STK33: variants seen among roughly 807,000 people sequenced by gnomAD.
STK33 encodes serine/threonine kinase 33.
STK33 carries 52 observed loss-of-function variants against 58.0 expected under a neutral mutation model. The observed-to-expected ratio is 0.90, with a 90% confidence interval of 0.72 to 1.13. STK33 has a LOEUF of 1.13. Ranked by LOEUF, STK33 falls within the 50% of genes most tolerant of loss-of-function variation. The pLI is 0.00. For synonymous variants in STK33, 215 were observed against 200.1 expected, an observed-to-expected ratio of 1.07 and a Z score of -0.63; for missense variants, 630 against 604.2, an observed-to-expected ratio of 1.04 and a Z score of -0.45.
chr11:8,501,963 T>C (rs888097369), intron 1 of STK33, among the ~76,000 whole-genome samples: 1 of 152,164 alleles, frequency 6.6e-6, no homozygotes, highest in Non-Finnish European at 1.5e-5. Context: ...AGTCTATTTA[T>C]ATGAAATGTC....
chr11:8,415,715 TAA>T (rs1941022260), intron 14 of STK33, among the ~76,000 whole-genome samples: 1 of 152,104 alleles, frequency 6.6e-6, no homozygotes, highest in Admixed American at 6.6e-5. Flanking sequence ...TAAGAAGCCT[TAA>T]AAAGAGTGAC....
chr11:8,492,635 A>G (rs1950716559), intron 1 of STK33, among the ~76,000 whole-genome samples: 1 of 152,230 alleles, frequency 6.6e-6, no homozygotes, highest in African/African-American at 2.4e-5. Context: ...CCAAATCAAC[A>G]GAATATACAT....
chr11:8,417,936 C>T (rs1018536276), intron 14 of STK33, among the ~76,000 whole-genome samples: 1 of 151,994 alleles, frequency 6.6e-6, no homozygotes, highest in African/African-American at 2.4e-5. Flanking sequence ...TAAAATTTAT[C>T]TTATATAAAC....
chr11:8,390,341 A>G (rs949245557), downstream of STK33, among the ~76,000 whole-genome samples: 8 of 152,360 alleles, frequency 5.3e-5, no homozygotes, highest in East Asian at 1.2e-3. Flanking sequence ...TATGGAGCAC[A>G]GGAGGTGTCA....
chr11:8,429,842 C>T (rs915755675), intron 14 of STK33, among the ~76,000 whole-genome samples: 9 of 152,160 alleles, frequency 5.9e-5, no homozygotes, highest in African/African-American at 1.7e-4. Flanking sequence ...TTAGCCACCA[C>T]CTGCTCCCTC....
chr11:8,356,088 G>A, the STK33 span, among the ~76,000 whole-genome samples: 2 of 152,172 alleles, frequency 1.3e-5, no homozygotes, highest in Non-Finnish European at 2.9e-5. Context: ...TGGGGACGGA[G>A]GATTACACTT....
chr11:8,577,796 A>G (rs1278723225), intron 1 of STK33, among the ~76,000 whole-genome samples: 1 of 152,070 alleles, frequency 6.6e-6, no homozygotes, highest in Admixed American at 6.6e-5. Flanking sequence ...GCTCTCTTCA[A>G]TTTATACATA....
intron 1 of STK33, among the ~76,000 whole-genome samples, chr11:8,576,287 A>C (rs1356679283): frequency 6.6e-6 from 1 of 152,218 alleles, no homozygotes; most frequent in East Asian, 1.9e-4. Context: ...AGAACAGTTC[A>C]GGTTCCAAGG....
the STK33 span, among the ~76,000 whole-genome samples, chr11:8,343,828 C>T: frequency 6.6e-6 from 1 of 152,194 alleles, no homozygotes; most frequent in South Asian, 2.1e-4. Flanking sequence ...AGCCCCTCAT[C>T]CTGGCCTCAG....
chr11:8,537,952 C>T (rs1025386687), intron 1 of STK33, among the ~76,000 whole-genome samples: 1 of 150,950 alleles, frequency 6.6e-6, no homozygotes, highest in African/African-American at 2.4e-5. Context: ...TTTGGGAGGC[C>T]GAGGCAGGAG....
At chr11:8,412,316 C>A (rs1415854158) in intron 15 of STK33, among the ~76,000 whole-genome samples, 1 of 152,094 alleles carries the variant, frequency 6.6e-6, no homozygotes, top group Admixed American at 6.5e-5. Flanking sequence ...AGCTAAGCAT[C>A]GTAGGAGTTA....
intron 11 of STK33, among the ~76,000 whole-genome samples, chr11:8,442,449 G>A (rs1423568509): frequency 1.3e-5 from 2 of 152,198 alleles, no homozygotes; most frequent in South Asian, 4.1e-4. Context: ...TAATTATCAG[G>A]GGCATTTCGA....
chr11:8,398,410 C>T (rs1323116179), intron 15 of STK33, among the ~76,000 whole-genome samples: 1 of 152,288 alleles, frequency 6.6e-6, no homozygotes, highest in Admixed American at 6.5e-5. Flanking sequence ...CAAGCAAATG[C>T]TGAGAGATTT....
intron 15 of STK33, among the ~76,000 whole-genome samples, chr11:8,394,660 T>C (rs182819237): frequency 6.6e-6 from 1 of 152,324 alleles, no homozygotes; most frequent in African/African-American, 2.4e-5. Context: ...ATTATTGATG[T>C]AGAATATTTT....
At chr11:8,362,279 TATG>T in the STK33 span, among the ~76,000 whole-genome samples, 1 of 152,228 alleles carries the variant, frequency 6.6e-6, no homozygotes, top group Non-Finnish European at 1.5e-5. Flanking sequence ...TGGGCTTTTT[TATG>T]ATGACTTCAT....
rs1947556677 is a variant in STK33 at position 8,461,805 on chromosome 11, C to T, written c.558G>A (p.Lys186=). 5 of 1,574,140 alleles carry T rather than the reference C, an allele frequency of 3.2e-6. No homozygotes were observed. The East Asian group carries it at 1.2e-4, about 37-fold the overall frequency. The change falls in exon 8 of 16, where the codon AAG becomes AAA. Residue 186 remains lysine (K), a splice_region_variant and synonymous_variant. Transcript: ENST00000687296. ...AATGCAGCGCCTAATAGAGGTTTAC[C>T]TTTGGCGTTTCAAATACTTGTTCCA... ...IHLEQVFETP[K]KMYLVMELCE...
At chr11:8,350,897 C>A in the STK33 span, among the ~76,000 whole-genome samples, 1 of 152,104 alleles carries the variant, frequency 6.6e-6, no homozygotes, top group Non-Finnish European at 1.5e-5. Context: ...AGTCACCAGC[C>A]CCCAGCATAC....
rs777265786 is a variant in STK33 at position 8,436,090 on chromosome 11, C to T, written c.997G>A (p.Glu333Lys). ...TGTAGTTCTCCTTTTCTTATTAACT[C>T]AAAAAGCTTCTCTTCTGAGCTTGCC... ...FLASSEEKLF[E>K]LIRKGELHFE... Residue 333 changes from glutamate (E) to lysine (K), a missense_variant, in exon 13 of 16, where the codon GAG (glutamate) becomes AAG (lysine). Coordinates refer to ENST00000687296, the MANE Select transcript of STK33 (RefSeq NM_001352389.2). The T allele has an allele frequency of 2.4e-5, 39 of 1,596,126 alleles. No individual in the cohort carries two copies. In the South Asian group the frequency reaches 3.9e-4, roughly 16 times the overall value.
At chr11:8,403,701 C>A (rs1046351538) in intron 15 of STK33, among the ~76,000 whole-genome samples, 4 of 152,146 alleles carry the variant, frequency 2.6e-5, no homozygotes, top group African/African-American at 9.7e-5. Context: ...AATTCAGTAC[C>A]CTTGGCCTAA....
Sources: allele counts gnomAD v4.1 joint callset (sites outside exome capture counted in the v4.1 genomes callset), GRCh38; gene constraint gnomAD v4.1.1; transcripts MANE v1.5; gene names NCBI Gene and HGNC (gene_info 2026-07-23, HGNC 2026-07-21).